CCNYL1: variants seen among roughly 807,000 people sequenced by gnomAD.
The protein encoded by CCNYL1 is cyclin-Y-like protein 1.
Under a neutral mutation model 44.2 loss-of-function variants are expected in CCNYL1, and 16 were observed. The observed-to-expected ratio is 0.36, with a 90% CI of 0.25 to 0.55. CCNYL1 has a LOEUF of 0.55. Ranked by LOEUF, CCNYL1 falls within the 20% of genes least tolerant of loss-of-function variation. The pLI is 0.85. For synonymous variants in CCNYL1, 159 were observed against 163.2 expected, an observed-to-expected ratio of 0.97 and a Z score of 0.20; for missense variants, 348 against 451.8, an observed-to-expected ratio of 0.77 and a Z score of 2.08.
intron 1 of CCNYL1, among the ~76,000 whole-genome samples, chr2:207,715,833 C>T (rs200843206): frequency 2.7e-5 from 4 of 150,868 alleles, no homozygotes; most frequent in South Asian, 2.1e-4. Flanking sequence ...TGTGCCACCA[C>T]GCCCAGCTAA....
At chr2:207,712,213 C>A in intron 1 of CCNYL1, 97 bp downstream of exon 1, 1 of 1,036,692 alleles carries the variant, frequency 9.6e-7, no homozygotes, top group Non-Finnish European at 1.4e-6. Flanking sequence ...CGGGCTCCTT[C>A]CTGCCGGTAG....
At chr2:207,721,734 GTTTTTTT>G (rs59024332) in intron 1 of CCNYL1, among the ~76,000 whole-genome samples, 1 of 141,150 alleles carries the variant, frequency 7.1e-6, no homozygotes, top group Non-Finnish European at 1.6e-5. Flanking sequence ...GGAGTTTTTT[GTTTTTTT>G]TTTTTTTGTT....
intron 1 of CCNYL1, among the ~76,000 whole-genome samples, chr2:207,713,490 T>G (rs542883443): frequency 6.6e-6 from 1 of 152,294 alleles, no homozygotes; most frequent in South Asian, 2.1e-4. Context: ...TTTTTTGCCT[T>G]TAGAATTTTG....
chr2:207,743,540 A>T (rs767134805), intron 7 of CCNYL1, among the ~76,000 whole-genome samples: 50 of 152,286 alleles, frequency 3.3e-4, no homozygotes, highest in Admixed American at 1.0e-3. Context: ...ACTTGAGTGC[A>T]GTAGTTTGAG....
intron 9 of CCNYL1, 100 bp from the exon 10 acceptor site, chr2:207,753,488 C>G (rs1274852321): frequency 1.3e-6 from 1 of 767,934 alleles, no homozygotes; most frequent in Non-Finnish European, 2.3e-6. Context: ...TGTGAACTAT[C>G]TAAAGGAGTC....
intron 3 of CCNYL1, among the ~76,000 whole-genome samples, chr2:207,727,143 T>G (rs974704463): frequency 1.3e-5 from 2 of 152,212 alleles, no homozygotes; most frequent in African/African-American, 4.8e-5. Flanking sequence ...TATTTTTGCC[T>G]AAAGTTTTTA....
intron 7 of CCNYL1, among the ~76,000 whole-genome samples, chr2:207,743,812 G>GTTTTTT (rs2091831009): frequency 6.6e-6 from 1 of 150,640 alleles, no homozygotes; most frequent in African/African-American, 2.5e-5. Flanking sequence ...CTTGTTTTTT[G>GTTTTTT]TTTTTGTTTT....
chr2:207,741,888 C>T (rs1049675129), intron 6 of CCNYL1, among the ~76,000 whole-genome samples: 3 of 149,546 alleles, frequency 2.0e-5, no homozygotes, highest in South Asian at 2.1e-4. Flanking sequence ...TGGTGTCTCA[C>T]GCGTGTAATC....
At chr2:207,726,416 A>T (rs1337786756) in intron 2 of CCNYL1, among the ~76,000 whole-genome samples, 1 of 152,190 alleles carries the variant, frequency 6.6e-6, no homozygotes, top group African/African-American at 2.4e-5. Context: ...GCAGCTAGAG[A>T]TTGGCACCTA....
At position 207,724,836 on chromosome 2, in the gene CCNYL1, G is replaced by A; in HGVS notation, c.257G>A (p.Arg86Lys). The change falls in exon 2 of 10, where the codon AGG becomes AAG. Residue 86 changes from arginine (R) to lysine (K), a missense_variant. Coordinates refer to ENST00000295414, the MANE Select transcript of CCNYL1 (RefSeq NM_001330218.2). ...GAGTCAAACCCTTCTGACCATCCAAGGGCAAGCACAATTTTCCTGAGCAAA... is the reference window on the plus strand; with the variant it reads ...GAGTCAAACCCTTCTGACCATCCAAAGGCAAGCACAATTTTCCTGAGCAAA... ...ALESNPSDHP[R>K]ASTIFLSKSQ... 2 of 1,613,454 alleles carry A rather than the reference G, an allele frequency of 1.2e-6. No homozygotes were observed. Among genetic ancestry groups the A allele is most frequent in the Non-Finnish European group, 1.7e-6 (2 of 1,179,816 alleles).
chr2:207,746,312 A>G (rs900229743), intron 7 of CCNYL1, among the ~76,000 whole-genome samples: 3 of 152,258 alleles, frequency 2.0e-5, no homozygotes, highest in African/African-American at 7.2e-5. Flanking sequence ...AGGAGAAGGT[A>G]AAAATGTGCT....
At chr2:207,747,364 G>A (rs561434643) in intron 8 of CCNYL1, 151 bp downstream of exon 8, 6 of 510,916 alleles carry the variant, frequency 1.2e-5, no homozygotes, top group Non-Finnish European at 1.6e-5. Context: ...TAGTATAACA[G>A]TTCACAATAG....
At chr2:207,721,544 T>C (rs1370150860) in intron 1 of CCNYL1, among the ~76,000 whole-genome samples, 2 of 152,252 alleles carry the variant, frequency 1.3e-5, no homozygotes, top group Non-Finnish European at 2.9e-5. Flanking sequence ...GGGGTGTTTA[T>C]ATTAAGACCT....
chr2:207,736,947 G>A (rs889816442), intron 4 of CCNYL1, among the ~76,000 whole-genome samples: 1 of 148,638 alleles, frequency 6.7e-6, no homozygotes, highest in Non-Finnish European at 1.5e-5. Context: ...ACGGAGTCTC[G>A]CTCTGTCGCC....
intron 7 of CCNYL1, 143 bp downstream of exon 7, chr2:207,742,485 A>G (rs1002212824): frequency 1.3e-6 from 1 of 757,004 alleles, no homozygotes; most frequent in African/African-American, 1.8e-5. Flanking sequence ...AAATACGTAC[A>G]TTCGCGTTTA....
At chr2:207,724,074 TA>T (rs2091661823) in intron 1 of CCNYL1, among the ~76,000 whole-genome samples, 2 of 152,116 alleles carry the variant, frequency 1.3e-5, no homozygotes, top group African/African-American at 4.8e-5. Context: ...TTGACATAGA[TA>T]GGGGCAAAAT....
intron 3 of CCNYL1, among the ~76,000 whole-genome samples, chr2:207,727,676 T>G (rs2091691022): frequency 6.6e-6 from 1 of 152,212 alleles, no homozygotes; most frequent in Admixed American, 6.5e-5. Context: ...CATTTTTCTC[T>G]TGGAGACAGC....
intron 1 of CCNYL1, among the ~76,000 whole-genome samples, chr2:207,713,826 A>C (rs1304102301): frequency 6.6e-6 from 1 of 152,188 alleles, no homozygotes; most frequent in Non-Finnish European, 1.5e-5. Flanking sequence ...TATGTGAGTT[A>C]ATTGATTGTA....
At chr2:207,738,990 G>C (rs2091787504) in intron 5 of CCNYL1, among the ~76,000 whole-genome samples, 1 of 151,984 alleles carries the variant, frequency 6.6e-6, no homozygotes, top group Admixed American at 6.6e-5. Context: ...AAAGTGCTAG[G>C]ATTACAGGCG....
Sources: allele counts gnomAD v4.1 joint callset (sites outside exome capture counted in the v4.1 genomes callset), GRCh38; gene constraint gnomAD v4.1.1; transcripts MANE v1.5; gene names NCBI Gene and HGNC (gene_info 2026-07-23, HGNC 2026-07-21).